ANKRD30B: variants seen among roughly 807,000 people sequenced by gnomAD.
The protein encoded by ANKRD30B is ankyrin repeat domain-containing protein 30B.
Under a neutral mutation model 202.2 loss-of-function variants are expected in ANKRD30B, and 144 were observed. The ratio of observed to expected loss-of-function variants is 0.71; its 90% CI spans 0.62 to 0.82. The LOEUF (loss-of-function observed/expected upper bound fraction) is 0.82. ANKRD30B is among the 40% of genes least tolerant of loss of function. ANKRD30B has a pLI of 0.00. For missense variants in ANKRD30B, 1,487 were observed against 1,669.1 expected, an observed-to-expected ratio of 0.89 and a Z score of 1.90; for synonymous variants, 508 against 561.3, an observed-to-expected ratio of 0.91 and a Z score of 1.34.
In ANKRD30B at chr18:14,770,331, A is replaced by T. The variant is rs375341252; in HGVS notation, c.1256+958A>T. Among the ~76,000 whole-genome samples, 14 of 152,316 alleles carry T rather than the reference A, an allele frequency of 9.2e-5. No individual in the cohort carries two copies. In the South Asian group the frequency reaches 2.5e-3, roughly 27 times the overall value. ...TTCAACATGTATTTAATATCCTGGA[A>T]AAATGGTTGTTCAGATGGAGAGTCT... On this transcript the variant is annotated intron_variant, in intron 8 of 43. Transcript: ENST00000690538.
chr18:14,825,986 A>G lies in ANKRD30B; in HGVS notation c.2744-2292A>G, dbSNP rs539613266. Among the ~76,000 whole-genome samples the G allele has an allele frequency of 2.8e-3, 430 of 152,332 alleles. 2 individuals are homozygous for G. Among genetic ancestry groups the G allele is most frequent in the Non-Finnish European group, 5.2e-3 (355 of 68,036 alleles). ...AGAAAAGTGCAAACAGTCATGGGAC[A>G]GACCAACCGTTTTCTTTACATATTG... On this transcript the variant is annotated intron_variant, in intron 32 of 43. Transcript: ENST00000690538.
At chr18:14,899,308 A>G in the ANKRD30B span, among the ~76,000 whole-genome samples, 1 of 152,226 alleles carries the variant, frequency 6.6e-6, no homozygotes, top group African/African-American at 2.4e-5. Flanking sequence ...GAAAAAATAA[A>G]TTTTAAAATG....
chr18:14,804,430 C>T (rs1426242336), intron 24 of ANKRD30B, among the ~76,000 whole-genome samples: 4 of 138,042 alleles, frequency 2.9e-5, no homozygotes, highest in Admixed American at 2.2e-4. Flanking sequence ...ATATACACTC[C>T]GTATAGACCG....
the ANKRD30B span, among the ~76,000 whole-genome samples, chr18:14,878,287 A>C: frequency 6.6e-6 from 1 of 152,178 alleles, no homozygotes; most frequent in Admixed American, 6.5e-5. Context: ...GGTCTTTGTT[A>C]ACTTGATTAT....
chr18:14,811,311 A>C (rs1347354576), intron 28 of ANKRD30B, among the ~76,000 whole-genome samples: 1 of 150,894 alleles, frequency 6.6e-6, no homozygotes, highest in Non-Finnish European at 1.5e-5. Flanking sequence ...TCCCGGCTTC[A>C]CGCCATTCTC....
At chr18:14,766,073 T>C (rs899539815) in intron 7 of ANKRD30B, among the ~76,000 whole-genome samples, 4 of 152,110 alleles carry the variant, frequency 2.6e-5, no homozygotes, top group Non-Finnish European at 4.4e-5. Context: ...GTACAGTTAA[T>C]ATGGTTTAGT....
At chr18:14,787,628 G>C (rs566837618) in intron 15 of ANKRD30B, among the ~76,000 whole-genome samples, 156 of 152,290 alleles carry the variant, frequency 1.0e-3, no homozygotes, top group Non-Finnish European at 1.8e-3. Context: ...AGGAAACCTT[G>C]TGGGAATATA....
At chr18:14,806,568 A>T (rs1356858631) in intron 24 of ANKRD30B, among the ~76,000 whole-genome samples, 1 of 150,054 alleles carries the variant, frequency 6.7e-6, no homozygotes, top group Non-Finnish European at 1.5e-5. Context: ...CTTCCTCTGC[A>T]TGGATTTTGA....
intron 20 of ANKRD30B, among the ~76,000 whole-genome samples, chr18:14,798,697 C>T (rs1969095710): frequency 6.6e-6 from 1 of 152,102 alleles, no homozygotes; most frequent in Non-Finnish European, 1.5e-5. Context: ...ATTCCATTCC[C>T]AGAGCTATGA....
intron 16 of ANKRD30B, 54 bp from the exon 17 acceptor site, chr18:14,796,167 G>C (rs537255242): frequency 4.4e-5 from 65 of 1,492,346 alleles, no homozygotes; most frequent in Non-Finnish European, 5.9e-5. Context: ...CGAATGCTTG[G>C]TAGGCTTTGT....
the ANKRD30B span, among the ~76,000 whole-genome samples, chr18:14,906,542 T>C: frequency 6.6e-6 from 1 of 152,210 alleles, no homozygotes; most frequent in South Asian, 2.1e-4. Flanking sequence ...TGATTACACA[T>C]TGAACTAAAT....
intron 24 of ANKRD30B, among the ~76,000 whole-genome samples, chr18:14,807,658 A>G (rs1192960835): frequency 1.3e-5 from 2 of 148,928 alleles, no homozygotes; most frequent in Admixed American, 6.7e-5. Flanking sequence ...CCGGCTCCCA[A>G]GTAGCTGCGG....
intron 33 of ANKRD30B, among the ~76,000 whole-genome samples, chr18:14,829,357 C>T (rs1970805055): frequency 6.6e-6 from 1 of 152,146 alleles, no homozygotes; most frequent in African/African-American, 2.4e-5. Flanking sequence ...CATTTCAAAG[C>T]CCATTACTCT....
At chr18:14,765,253 G>A (rs905204847) in intron 7 of ANKRD30B, among the ~76,000 whole-genome samples, 1 of 152,048 alleles carries the variant, frequency 6.6e-6, no homozygotes, top group South Asian at 2.1e-4. Flanking sequence ...GAGGTTAGGA[G>A]TTCGTTCGAG....
At chr18:14,767,392 A>G (rs919727824) in intron 7 of ANKRD30B, among the ~76,000 whole-genome samples, 1 of 152,364 alleles carries the variant, frequency 6.6e-6, no homozygotes, top group African/African-American at 2.4e-5. Context: ...AATTTGGCAC[A>G]GTAAGAAATT....
chr18:14,897,456 C>T, the ANKRD30B span, among the ~76,000 whole-genome samples: 2 of 152,084 alleles, frequency 1.3e-5, no homozygotes, highest in African/African-American at 4.8e-5. Context: ...GTTGGGATTA[C>T]AGGTATGAGC....
intron 18 of ANKRD30B, among the ~76,000 whole-genome samples, 187 bp downstream of exon 18, chr18:14,796,602 AC>A (rs1335425790): frequency 2.6e-5 from 4 of 152,170 alleles, no homozygotes; most frequent in Non-Finnish European, 5.9e-5. Flanking sequence ...TTAGAGATTA[AC>A]AAAAAATTCA....
intron 26 of ANKRD30B, among the ~76,000 whole-genome samples, chr18:14,809,189 A>G (rs1244068344): frequency 6.6e-6 from 1 of 150,680 alleles, no homozygotes; most frequent in Non-Finnish European, 1.5e-5. Context: ...TTTTGAGGTG[A>G]GATGGTCACA....
chr18:14,916,542 T>TC, the ANKRD30B span, among the ~76,000 whole-genome samples: 1 of 152,172 alleles, frequency 6.6e-6, no homozygotes, highest in Non-Finnish European at 1.5e-5. Flanking sequence ...AACCCTGTAT[T>TC]CCCCACTAGG....
Sources: gnomAD v4.1 joint callset for allele counts (sites outside exome capture counted in the v4.1 genomes callset) on GRCh38, gnomAD v4.1.1 for gene constraint, MANE v1.5 for transcripts, NCBI Gene and HGNC (gene_info 2026-07-23, HGNC 2026-07-21) for gene names.